RASA2: variants seen among roughly 807,000 people sequenced by gnomAD.
RASA2 encodes the protein ras GTPase-activating protein 2.
In RASA2, 155 loss-of-function variants were observed where a neutral mutation model predicts 118.2. The ratio of observed to expected loss-of-function variants is 1.31; its 90% CI spans 1.15 to 1.50. The LOEUF (loss-of-function observed/expected upper bound fraction) is 1.50, where lower values mean the gene tolerates loss of function less well. RASA2 is among the 40% of genes most tolerant of loss of function. The pLI, the probability that RASA2 is intolerant of heterozygous loss-of-function variation, is 0.00. For missense variants in RASA2, 1,016 were observed against 1,009.6 expected (o/e 1.01, Z -0.09); for synonymous variants, 353 against 349.1 (o/e 1.01, Z -0.12).
chr3:141,605,475 A>G (rs763203706), intron 19 of RASA2, among the ~76,000 whole-genome samples: 24 of 152,296 alleles, frequency 1.6e-4, no homozygotes, highest in Middle Eastern at 3.4e-3. Context: ...CCTGGGAGCA[A>G]TGCCCTTTCT....
At chr3:141,510,204 CT>C (rs1030858176) in intron 1 of RASA2, among the ~76,000 whole-genome samples, 1 of 152,096 alleles carries the variant, frequency 6.6e-6, no homozygotes, top group Non-Finnish European at 1.5e-5. Context: ...AGTGATTTGT[CT>C]GAAGTCATAC....
At chr3:141,600,258 TG>T (rs1294311382) in intron 19 of RASA2, 17 of 530,326 alleles carry the variant, frequency 3.2e-5, no homozygotes, top group African/African-American at 3.1e-4. Context: ...GAGGACACCC[TG>T]TATGTATTTA....
Position 141,518,482 on chromosome 3 carries a change from CAAAAAAAAAAAAAAAAAAA to C in RASA2, c.355+2069_355+2087del, listed in dbSNP as rs777543417. Among the ~76,000 whole-genome samples, 13 of 27,048 alleles carry C rather than the reference CAAAAAAAAAAAAAAAAAAA, an allele frequency of 4.8e-4. 1 individual carries two copies. The highest frequency in any genetic ancestry group is 1.5e-3 in the East Asian group (1 of 650). The allele number at this position is 27,048 out of a possible 152,430, so 17.7% of individuals were successfully genotyped here. On this transcript the variant is annotated intron_variant, in intron 3 of 23. Transcript: ENST00000286364. ...TCGGCAACAGAGCAAGACACCATCT[CAAAAAAAAAAAAAAAAAAA>C]AAAAAAAAAAAAAAAAATTAAGCGT...
chr3:141,573,092 T>G, intron 12 of RASA2, 55 bp from the exon 13 acceptor site: 1 of 1,404,376 alleles, frequency 7.1e-7, no homozygotes, highest in Non-Finnish European at 9.6e-7. Context: ...TAAGTTATTT[T>G]CATTTTGTCA....
chr3:141,541,837 A>G (rs2151103223), intron 5 of RASA2, among the ~76,000 whole-genome samples: 1 of 149,714 alleles, frequency 6.7e-6, no homozygotes, highest in African/African-American at 2.5e-5. Context: ...ATGTTTCTCA[A>G]TTTGGATTTA....
chr3:141,552,203 T>C (rs1392612670), intron 5 of RASA2, among the ~76,000 whole-genome samples: 1 of 152,146 alleles, frequency 6.6e-6, no homozygotes, highest in Non-Finnish European at 1.5e-5. Context: ...AGTACTGCAT[T>C]TTCCTCTGCT....
chr3:141,501,859 CTT>C (rs550619140), intron 1 of RASA2, among the ~76,000 whole-genome samples: 1 of 148,076 alleles, frequency 6.8e-6, no homozygotes, highest in African/African-American at 2.5e-5. Flanking sequence ...CTTTCTCACT[CTT>C]TTTTTTTTGT....
chr3:141,514,592 G>C (rs976998971), intron 2 of RASA2, among the ~76,000 whole-genome samples: 6 of 152,106 alleles, frequency 3.9e-5, no homozygotes, highest in African/African-American at 1.4e-4. Flanking sequence ...TGCTGTTAGG[G>C]GTGTAAAACA....
rs546536509 is a variant in RASA2 at position 141,586,087 on chromosome 3, C to T, written c.1815C>T (p.His605=). The stretch of plus-strand genomic sequence containing the variant: ...CCAGTGGTACGAGTGAGCCTGTGCA[C>T]CTGAAAGAAGGGTAATTTAATCAAA... ...KESSGTSEPV[H]LKEGEMYKRA... Residue 605 remains histidine, a synonymous_variant, in exon 18 of 24, where the codon CAC becomes CAT. Transcript: ENST00000286364. The T allele has an allele frequency of 3.7e-6, 6 of 1,604,746 alleles. 1 individual carries two copies. Among genetic ancestry groups the T allele is most frequent in the South Asian group, 2.2e-5 (2 of 90,724 alleles).
Position 141,495,608 on chromosome 3 carries a change from T to C in RASA2, c.133+8392T>C, listed in dbSNP as rs529016532. On this transcript the variant is annotated intron_variant, in intron 1 of 23. Transcript: ENST00000286364. ...TTTAGGGAAATAAGTATTTTCCTCA[T>C]TGTTGTTGTGAGTTTAAATTGATAA... 2.7e-5 allele frequency among the ~76,000 whole-genome samples: 4 copies of C among 145,834 alleles called. No homozygotes were observed. In the South Asian group the frequency reaches 6.2e-4, roughly 23 times the overall value.
intron 9 of RASA2, among the ~76,000 whole-genome samples, chr3:141,564,211 A>G (rs939572172): frequency 2.0e-5 from 3 of 152,168 alleles, no homozygotes; most frequent in Admixed American, 6.5e-5. Flanking sequence ...TTTCAGTTAT[A>G]TGAGAGTAAA....
At chr3:141,565,030 G>A (rs1277789432) in intron 9 of RASA2, among the ~76,000 whole-genome samples, 1 of 151,952 alleles carries the variant, frequency 6.6e-6, no homozygotes, top group Non-Finnish European at 1.5e-5. Flanking sequence ...CTGTCGCCCA[G>A]GCTGGAGTGC....
chr3:141,592,202 A>T (rs974615442), intron 19 of RASA2, among the ~76,000 whole-genome samples: 1 of 152,214 alleles, frequency 6.6e-6, no homozygotes, highest in Non-Finnish European at 1.5e-5. Context: ...GGAAGGCTTC[A>T]CTGAGAAAGT....
In RASA2 at chr3:141,531,220, T is replaced by G. The variant is rs534836391; in HGVS notation, c.450+1418T>G. ...CATGATAGGAAAAGGCTTTGAAAAT[T>G]TAAACTGAAATTTTATGAACCATTA... On this transcript the variant is annotated intron_variant, in intron 4 of 23. Transcript: ENST00000286364. 3.9e-5 allele frequency among the ~76,000 whole-genome samples: 6 copies of G among 152,110 alleles called. No homozygotes were observed. In the South Asian group the frequency reaches 1.2e-3, roughly 32 times the overall value.
chr3:141,570,217 C>CTTT lies in RASA2; in HGVS notation c.864-685_864-683dup, dbSNP rs35327031. 4.7e-3 allele frequency among the ~76,000 whole-genome samples: 686 copies of CTTT among 145,834 alleles called. 4 individuals are homozygous for CTTT. Among genetic ancestry groups the CTTT allele is most frequent in the South Asian group, 0.024 (111 of 4,606 alleles). On this transcript the variant is annotated intron_variant, in intron 9 of 23. Transcript: ENST00000286364. ...TACGCATTCTGATATGTCTTATCTA[C>CTTT]TTTTTTTTTTTTGAGACGAAGTCTT...
intron 23 of RASA2, 127 bp from the exon 24 acceptor site, chr3:141,612,156 A>T: frequency 1.4e-6 from 1 of 725,594 alleles, no homozygotes; most frequent in Non-Finnish European, 2.3e-6. Flanking sequence ...CATTGAATTA[A>T]TGAAACAACA....
chr3:141,490,832 A>T (rs1163581073), intron 1 of RASA2, among the ~76,000 whole-genome samples: 1 of 152,226 alleles, frequency 6.6e-6, no homozygotes. Flanking sequence ...TCTCATATAT[A>T]AAATGGGGAT....
chr3:141,512,861 G>A (rs765611252), intron 2 of RASA2, among the ~76,000 whole-genome samples: 4 of 152,070 alleles, frequency 2.6e-5, no homozygotes, highest in African/African-American at 9.7e-5. Context: ...TCAGAATTTC[G>A]AGACCAGCTT....
chr3:141,523,039 T>TG (rs1377890474), intron 3 of RASA2, among the ~76,000 whole-genome samples: 1 of 152,174 alleles, frequency 6.6e-6, no homozygotes, highest in Middle Eastern at 3.2e-3. Flanking sequence ...AGAAGGAGCC[T>TG]GAGTGTGGAA....
Sources: allele counts gnomAD v4.1 joint callset (sites outside exome capture counted in the v4.1 genomes callset), GRCh38; gene constraint gnomAD v4.1.1; transcripts MANE v1.5; gene names NCBI Gene and HGNC (gene_info 2026-07-23, HGNC 2026-07-21).